The following METTL16 variants were observed in gnomAD, a reference collection of about 807,000 sequenced individuals.
METTL16 encodes methyltransferase 16, RNA N6-adenosine.
In METTL16, 19 loss-of-function variants were observed where a neutral mutation model predicts 57.9. That is an observed-to-expected ratio of 0.33 (90% CI 0.23 to 0.48). The LOEUF (loss-of-function observed/expected upper bound fraction) is 0.48, where lower values mean the gene tolerates loss of function less well. Among genes scored for constraint, METTL16 ranks in the 20% least tolerant of loss-of-function variants. The pLI, the probability that METTL16 is intolerant of heterozygous loss-of-function variation, is 0.99. For synonymous variants in METTL16, 246 were observed against 255.6 expected (o/e 0.96, Z 0.36); for missense variants, 434 against 691.5 (o/e 0.63, Z 4.18).
At chr17:2,450,528 C>G (rs949939515) in intron 6 of METTL16, among the ~76,000 whole-genome samples, 1 of 152,158 alleles carries the variant, frequency 6.6e-6, no homozygotes, top group Non-Finnish European at 1.5e-5. Flanking sequence ...CATCCAACTG[C>G]ACACTTAAAT....
Position 2,420,873 on chromosome 17 carries a change from T to G in METTL16, c.920A>C (p.Lys307Thr). The part of the protein sequence containing the change: ...SPPSKRRKLE[K>T]PRKPITFVVL... ...CACGAATGTTATGGGTTTTCTCGGTTTCTCTAATTTTCTTCGCTTACTTGG... is the reference window on the plus strand; with the variant it reads ...CACGAATGTTATGGGTTTTCTCGGTGTCTCTAATTTTCTTCGCTTACTTGG... The change falls in exon 9 of 10, where the codon AAA (lysine) becomes ACA (threonine). Residue 307 changes from lysine (K) to threonine (T), a missense_variant. Lys to Thr is a moderately conservative substitution (Grantham distance 78). Transcript: ENST00000263092. This position sits in a 1 kb window ranked among gnomAD's most constrained non-coding sequence, Gnocchi z 5.4. The G allele has an allele frequency of 6.2e-7, 1 of 1,613,544 alleles. No individual in the cohort carries two copies. Among genetic ancestry groups the G allele is most frequent in the East Asian group, 2.2e-5 (1 of 44,886 alleles).
intron 6 of METTL16, among the ~76,000 whole-genome samples, chr17:2,450,957 T>A (rs1344660461): frequency 6.6e-6 from 1 of 152,200 alleles, no homozygotes; most frequent in East Asian, 1.9e-4. Flanking sequence ...TAAAACTGTA[T>A]GAAACTGACA....
chr17:2,481,536 T>A (rs1222712196), intron 2 of METTL16, among the ~76,000 whole-genome samples: 1 of 152,110 alleles, frequency 6.6e-6, no homozygotes, highest in Admixed American at 6.5e-5. Context: ...TGTACACGTG[T>A]CAATATACTA....
chr17:2,428,527 CAAAAAAAAAAAAAAAAAAAAA>C (rs533793602), intron 8 of METTL16, among the ~76,000 whole-genome samples: 4 of 21,074 alleles, frequency 1.9e-4, no homozygotes, highest in African/African-American at 5.3e-4. Flanking sequence ...GACTCCGTCT[CAAAAAAAAAAAAAAAAAAAAA>C]AAAAAAAAAA....
intron 6 of METTL16, among the ~76,000 whole-genome samples, chr17:2,455,547 G>A (rs1319115912): frequency 6.6e-6 from 1 of 152,172 alleles, no homozygotes; most frequent in Non-Finnish European, 1.5e-5. Flanking sequence ...GGCGCAAGCT[G>A]CTGGATCCAA....
At chr17:2,483,282 A>G (rs562001181) in intron 2 of METTL16, among the ~76,000 whole-genome samples, 1 of 152,300 alleles carries the variant, frequency 6.6e-6, no homozygotes. Flanking sequence ...TAATTTTTGG[A>G]TCAAAAGGAT....
At chr17:2,454,563 A>ATTTTTTT (rs5818860) in intron 6 of METTL16, among the ~76,000 whole-genome samples, 5 of 126,240 alleles carry the variant, frequency 4.0e-5, no homozygotes, top group Non-Finnish European at 8.1e-5. Flanking sequence ...TATTATTATT[A>ATTTTTTT]TTTTTTTTTT....
chr17:2,484,969 G>T lies in METTL16; in HGVS notation c.129-7084C>A, dbSNP rs138388204. ...GCCTTATACAATTCACAGGCTAATG[G>T]GCCGCACCCTCTATTACAGGAGTCC... On this transcript the variant is annotated intron_variant, in intron 2 of 9. Coordinates refer to ENST00000263092, the MANE Select transcript of METTL16 (RefSeq NM_024086.4). Among the ~76,000 whole-genome samples, 503 of 152,180 alleles carry T rather than the reference G, an allele frequency of 3.3e-3. 2 individuals carry two copies. The highest frequency in any genetic ancestry group is 0.011 in the African/African-American group (476 of 41,522).
intron 8 of METTL16, 77 bp downstream of exon 8, chr17:2,438,032 C>A (rs978645432): frequency 1.2e-4 from 129 of 1,033,504 alleles, no homozygotes; most frequent in Admixed American, 4.6e-4. Context: ...AGGACACTAC[C>A]AATTCAGTTC....
At chr17:2,503,152 T>C (rs1348020489) in intron 1 of METTL16, among the ~76,000 whole-genome samples, 1 of 152,208 alleles carries the variant, frequency 6.6e-6, no homozygotes, top group Non-Finnish European at 1.5e-5. Flanking sequence ...TACAGCAGTG[T>C]TCATAGTAGT....
At chr17:2,494,696 T>G (rs1015378240) in intron 2 of METTL16, among the ~76,000 whole-genome samples, 1 of 151,388 alleles carries the variant, frequency 6.6e-6, no homozygotes, top group Admixed American at 6.6e-5. Flanking sequence ...ACAGGAACCC[T>G]CTCTCTAAAA....
intron 4 of METTL16, among the ~76,000 whole-genome samples, chr17:2,471,550 G>A (rs559656389): frequency 3.3e-5 from 5 of 152,240 alleles, no homozygotes; most frequent in East Asian, 1.9e-4. Context: ...AGTACTTTGG[G>A]AGGCCGAGGC....
chr17:2,473,764 G>A (rs1463036776), intron 3 of METTL16, 100 bp from the exon 4 acceptor site: 8 of 1,265,294 alleles, frequency 6.3e-6, no homozygotes, highest in South Asian at 1.5e-5. Context: ...TTGCAGACAG[G>A]GTCTCACTCT....
chr17:2,468,958 G>A (rs1567896729), intron 4 of METTL16, among the ~76,000 whole-genome samples: 1 of 151,846 alleles, frequency 6.6e-6, no homozygotes, highest in Non-Finnish European at 1.5e-5. Flanking sequence ...CCTAGCGCCA[G>A]GCATGGTGGC....
At chr17:2,502,840 AT>A (rs2067499630) in intron 1 of METTL16, among the ~76,000 whole-genome samples, 1 of 152,152 alleles carries the variant, frequency 6.6e-6, no homozygotes, top group South Asian at 2.1e-4. Flanking sequence ...ATCATTAGTC[AT>A]CAGGGAAATA....
intron 6 of METTL16, among the ~76,000 whole-genome samples, chr17:2,448,708 C>T (rs867668863): frequency 0.015 from 1,666 of 114,818 alleles, 59 homozygotes; most frequent in African/African-American, 0.061. Context: ...CTGCCAAATC[C>T]CCCTCTGCGA....
At chr17:2,508,090 C>G (rs2067560830) in intron 1 of METTL16, among the ~76,000 whole-genome samples, 1 of 149,602 alleles carries the variant, frequency 6.7e-6, no homozygotes, top group African/African-American at 2.5e-5. Flanking sequence ...CCTGCCAAAT[C>G]CCCCTCTGCG....
chr17:2,477,769 C>A lies in METTL16; in HGVS notation c.245G>T (p.Arg82Ile). 6.2e-7 allele frequency: 1 copy of A among 1,613,952 alleles called. No homozygotes were observed. The highest frequency in any genetic ancestry group is 8.5e-7 in the Non-Finnish European group (1 of 1,179,882). The change falls in exon 3 of 10, where the codon AGA becomes ATA. Residue 82 changes from arginine (R) to isoleucine (I), a missense_variant. Arg to Ile is a moderately conservative substitution (Grantham distance 97). Transcript: ENST00000263092. Reference protein sequence around the residue: ...LERLIPTVPLRLNYIHWVEDL... With the variant: ...LERLIPTVPLILNYIHWVEDL... ...TTCTACCCAGTGAATATAGTTGAGT[C>A]TCAAGGGAACTGTGGGAATTAGTCT... is the stretch of plus-strand genomic sequence containing the variant.
intron 6 of METTL16, among the ~76,000 whole-genome samples, chr17:2,444,631 C>T (rs1300790675): frequency 6.6e-6 from 1 of 151,898 alleles, no homozygotes; most frequent in Admixed American, 6.6e-5. Context: ...CATATTCGCT[C>T]GCCACTCTCT....
Sources: allele counts gnomAD v4.1 joint callset (sites outside exome capture counted in the v4.1 genomes callset), GRCh38; gene constraint gnomAD v4.1.1; non-coding constraint Gnocchi (gnomAD v3.1); transcripts MANE v1.5; gene names NCBI Gene and HGNC (gene_info 2026-07-23, HGNC 2026-07-21).